Variants in C8orf34 observed in about 807,000 individuals in gnomAD.
The protein encoded by C8orf34 is chromosome 8 open reading frame 34, also known as uncharacterized protein C8orf34.
C8orf34 carries 65 observed loss-of-function variants against 68.3 expected under a neutral mutation model. The ratio of observed to expected loss-of-function variants is 0.95; its 90% CI spans 0.78 to 1.17. C8orf34 has a LOEUF of 1.17. C8orf34 is among the 50% of genes most tolerant of loss of function. The pLI, the probability that C8orf34 is intolerant of heterozygous loss-of-function variation, is 0.00. For synonymous variants in C8orf34, 244 were observed against 241.2 expected, an observed-to-expected ratio of 1.01 and a Z score of -0.11; for missense variants, 664 against 655.4, an observed-to-expected ratio of 1.01 and a Z score of -0.14.
intron 6 of C8orf34, among the ~76,000 whole-genome samples, chr8:68,526,385 G>T (rs1304794654): frequency 6.6e-6 from 1 of 152,024 alleles, no homozygotes; most frequent in Non-Finnish European, 1.5e-5. Flanking sequence ...TTAATACCAG[G>T]TAATGTGCTA....
intron 7 of C8orf34, among the ~76,000 whole-genome samples, chr8:68,596,405 T>C (rs972803852): frequency 6.6e-6 from 1 of 152,184 alleles, no homozygotes; most frequent in Non-Finnish European, 1.5e-5. Flanking sequence ...TATATTATTT[T>C]TAAATGCATA....
chr8:68,524,390 A>G (rs1396759946), intron 6 of C8orf34, among the ~76,000 whole-genome samples: 1 of 152,198 alleles, frequency 6.6e-6, no homozygotes, highest in Non-Finnish European at 1.5e-5. Context: ...GATACAAATG[A>G]CACCTGAAGC....
intron 1 of C8orf34, among the ~76,000 whole-genome samples, chr8:68,432,272 A>T (rs1171777740): frequency 2.0e-5 from 3 of 151,714 alleles, no homozygotes; most frequent in African/African-American, 4.8e-5. Context: ...AAAATACCTG[A>T]TACTTGTGCC....
chr8:68,346,712 G>A (rs564368745), intron 1 of C8orf34, among the ~76,000 whole-genome samples: 1 of 152,020 alleles, frequency 6.6e-6, no homozygotes, highest in Non-Finnish European at 1.5e-5. Context: ...AGCCTTTTCA[G>A]ATTGGCTTCT....
chr8:68,447,525 G>A (rs115030572), intron 3 of C8orf34: 82 of 152,308 alleles, frequency 5.4e-4, no homozygotes, highest in African/African-American at 1.9e-3. Context: ...GAACTTGCAA[G>A]CTGTTCTTCT....
At chr8:68,762,468 A>G (rs1287220899) in intron 10 of C8orf34, among the ~76,000 whole-genome samples, 1 of 152,218 alleles carries the variant, frequency 6.6e-6, no homozygotes, top group Non-Finnish European at 1.5e-5. Context: ...GAAAGTCCAT[A>G]AAATTACACT....
In C8orf34 at chr8:68,737,553, C is replaced by T. The variant is rs139624019; in HGVS notation, c.1404+16116C>T. Among the ~76,000 whole-genome samples, 866 of 151,916 alleles carry T rather than the reference C, an allele frequency of 5.7e-3. 8 individuals carry two copies. The highest frequency in any genetic ancestry group is 0.02 in the African/African-American group (820 of 41,460). On this transcript the variant is annotated intron_variant, in intron 10 of 13. Transcript: ENST00000518698. ...TCTCATATGCAATGCCACCCATACA[C>T]TCAAAATAAAGGCATGGAGAAAAAT...
rs1055448757 is a variant in C8orf34, at chr8:68,331,011, G to T, written c.-2G>T. 22 of 1,420,272 alleles carry T rather than the reference G, an allele frequency of 1.5e-5. No individual in the cohort carries two copies. Among genetic ancestry groups the T allele is most frequent in the Non-Finnish European group, 1.9e-5 (21 of 1,100,210 alleles). 88.0% of individuals were successfully genotyped at this position (1,420,272 alleles called of 1,614,324 possible). ...GTGGGCGCGAGGCGGAGAACGCGAT[G>T]AATGAGTTCTCCCCTCGCCTCGGAG... is the stretch of plus-strand genomic sequence containing the variant. On this transcript the variant is annotated 5_prime_UTR_variant, in exon 1 of 14. It removes an upstream start codon present in the reference 5' UTR. Coordinates refer to ENST00000518698, the MANE Select transcript of C8orf34 (RefSeq NM_052958.4).
intron 3 of C8orf34, among the ~76,000 whole-genome samples, chr8:68,457,625 T>A (rs1440978800): frequency 6.6e-6 from 1 of 152,160 alleles, no homozygotes; most frequent in Non-Finnish European, 1.5e-5. Flanking sequence ...TAATAAAGAA[T>A]TGCTCAAAAA....
intron 12 of C8orf34, among the ~76,000 whole-genome samples, chr8:68,796,816 GTTC>G (rs768459323): frequency 9.8e-5 from 14 of 143,156 alleles, no homozygotes; most frequent in African/African-American, 2.1e-4. Flanking sequence ...ATATATTTGA[GTTC>G]TTCTTTTTTT....
chr8:68,460,559 A>G (rs1053347545), intron 3 of C8orf34, among the ~76,000 whole-genome samples: 1 of 152,142 alleles, frequency 6.6e-6, no homozygotes, highest in Non-Finnish European at 1.5e-5. Flanking sequence ...CGGCAGACTG[A>G]CACCTCACAT....
chr8:68,456,083 A>G (rs1413223966), intron 3 of C8orf34, among the ~76,000 whole-genome samples: 2 of 148,570 alleles, frequency 1.3e-5, no homozygotes, highest in East Asian at 2.0e-4. Context: ...GCCTCTACTA[A>G]AAATCCAAAA....
At chr8:68,370,913 A>G (rs749959818) in intron 1 of C8orf34, among the ~76,000 whole-genome samples, 1 of 152,198 alleles carries the variant, frequency 6.6e-6, no homozygotes, top group Non-Finnish European at 1.5e-5. Context: ...AGTATAAGCT[A>G]TCTCCTACAG....
At chr8:68,421,104 C>T (rs1809949205) in intron 1 of C8orf34, among the ~76,000 whole-genome samples, 1 of 152,072 alleles carries the variant, frequency 6.6e-6, no homozygotes, top group South Asian at 2.1e-4. Flanking sequence ...CACATGTAAA[C>T]ATATGGTAAA....
intron 1 of C8orf34, among the ~76,000 whole-genome samples, chr8:68,435,853 A>G (rs1810643408): frequency 2.0e-5 from 3 of 152,154 alleles, no homozygotes; most frequent in Non-Finnish European, 4.4e-5. Context: ...TGTAGCTACT[A>G]TTGTTTTTCA....
intron 7 of C8orf34, among the ~76,000 whole-genome samples, chr8:68,570,210 T>C (rs1373324122): frequency 6.6e-6 from 1 of 152,220 alleles, no homozygotes; most frequent in Non-Finnish European, 1.5e-5. Flanking sequence ...AAGCCGAATC[T>C]GGATTAAGAA....
intron 10 of C8orf34, among the ~76,000 whole-genome samples, chr8:68,773,121 T>C (rs541170607): frequency 6.2e-4 from 95 of 152,240 alleles, no homozygotes; most frequent in Middle Eastern, 3.4e-3. Context: ...CTGAAACTCA[T>C]AGGTTTGTGC....
intron 10 of C8orf34, among the ~76,000 whole-genome samples, chr8:68,746,145 T>C (rs1822484025): frequency 1.3e-5 from 2 of 152,120 alleles, no homozygotes; most frequent in Admixed American, 6.6e-5. Flanking sequence ...ACTGGGTACA[T>C]AACGAAATGA....
chr8:68,543,619 T>G (rs1278487026), intron 7 of C8orf34, among the ~76,000 whole-genome samples: 1 of 152,200 alleles, frequency 6.6e-6, no homozygotes, highest in Non-Finnish European at 1.5e-5. Flanking sequence ...TTACCCAGAT[T>G]ACATAGTTGG....
Sources: gnomAD v4.1 joint callset for allele counts (sites outside exome capture counted in the v4.1 genomes callset) on GRCh38, gnomAD v4.1.1 for gene constraint, MANE v1.5 for transcripts, NCBI Gene and HGNC (gene_info 2026-07-23, HGNC 2026-07-21) for gene names.